The following XRCC6 variants were observed in gnomAD, a reference collection of about 807,000 sequenced individuals.
XRCC6 encodes the protein X-ray repair cross complementing 6.
Under a neutral mutation model 65.7 loss-of-function variants are expected in XRCC6, and 5 were observed. The observed-to-expected ratio is 0.08, with a 90% CI of 0.04 to 0.16. The LOEUF (loss-of-function observed/expected upper bound fraction) is 0.16, where lower values mean the gene tolerates loss of function less well. Ranked by LOEUF, XRCC6 falls within the 10% of genes least tolerant of loss-of-function variation. The probability of loss-of-function intolerance (pLI) is 1.00; values close to 1 mark genes in which losing one functional copy is unlikely to be tolerated. For missense variants in XRCC6, 447 were observed against 738.1 expected (o/e 0.61, Z 4.57); for synonymous variants, 270 against 270.6 (o/e 1.00, Z 0.02).
At position 41,650,646 on chromosome 22, in the gene XRCC6, C is replaced by A; in HGVS notation, c.961-77C>A. The stretch of plus-strand genomic sequence containing the variant: ...TTAGAAGAGAGCTGATTTTAACTTG[C>A]TAGTGTCATCATCTTCGAGTTATTT... On this transcript the variant is annotated intron_variant, in intron 7 of 12. Coordinates refer to ENST00000360079, the MANE Select transcript of XRCC6 (RefSeq NM_001469.5). 6 of 1,485,302 alleles carry A rather than the reference C, an allele frequency of 4.0e-6. No individual in the cohort carries two copies. In the Admixed American group the frequency reaches 8.9e-5, roughly 22 times the overall value. 92.0% of individuals were successfully genotyped at this position (1,485,302 alleles called of 1,614,324 possible).
chr22:41,638,247 G>A, intron 6 of XRCC6, among the ~76,000 whole-genome samples: 1 of 141,998 alleles, frequency 7.0e-6, no homozygotes, highest in South Asian at 2.1e-4. Flanking sequence ...GTACAGTCAT[G>A]TGTTAATTAA....
At chr22:41,628,267 C>T (rs1292174842) in intron 3 of XRCC6, 37 bp downstream of exon 3, 1 of 1,560,698 alleles carries the variant, frequency 6.4e-7, no homozygotes, top group African/African-American at 1.4e-5. Flanking sequence ...AATTTAAAAA[C>T]AGTATTGGCT....
chr22:41,647,472 T>C (rs895088037), intron 7 of XRCC6, among the ~76,000 whole-genome samples: 39 of 151,312 alleles, frequency 2.6e-4, no homozygotes, highest in African/African-American at 9.2e-4. Flanking sequence ...TCCCAGCTAC[T>C]CAGGAGGCTG....
chr22:41,644,610 A>G (rs543350709), intron 6 of XRCC6, among the ~76,000 whole-genome samples: 1 of 152,012 alleles, frequency 6.6e-6, no homozygotes, highest in South Asian at 2.1e-4. Context: ...CTCAGCCTCC[A>G]TAGTAACTGG....
chr22:41,632,285 A>G (rs1281564411), intron 3 of XRCC6, among the ~76,000 whole-genome samples: 1 of 152,176 alleles, frequency 6.6e-6, no homozygotes, highest in African/African-American at 2.4e-5. Context: ...GGAACTGAAC[A>G]GAAACTTTTC....
At chr22:41,662,030 C>T (rs560789808) in intron 12 of XRCC6, among the ~76,000 whole-genome samples, 1 of 152,000 alleles carries the variant, frequency 6.6e-6, no homozygotes, top group East Asian at 1.9e-4. Context: ...AACAATTGAA[C>T]TCATGGAGAG....
chr22:41,638,964 C>T (rs1161418024), intron 6 of XRCC6, among the ~76,000 whole-genome samples: 1 of 152,068 alleles, frequency 6.6e-6, no homozygotes, highest in Non-Finnish European at 1.5e-5. Flanking sequence ...GTTTACACAG[C>T]ATCACTACAG....
At chr22:41,659,804 C>T (rs1479773912) in intron 11 of XRCC6, among the ~76,000 whole-genome samples, 6 of 152,136 alleles carry the variant, frequency 3.9e-5, no homozygotes, top group Admixed American at 3.9e-4. Flanking sequence ...CCTGCCTCAG[C>T]CTTCCGAGTA....
At chr22:41,639,665 C>CTTTTTTTT (rs1236347721) in intron 6 of XRCC6, among the ~76,000 whole-genome samples, 3 of 26,444 alleles carry the variant, frequency 1.1e-4, no homozygotes, top group East Asian at 3.2e-3. Context: ...TAGATTCTCT[C>CTTTTTTTT]TCTTTTTTTT....
chr22:41,663,481 C>T (rs1174859215), intron 12 of XRCC6, 141 bp from the exon 13 acceptor site: 3 of 895,392 alleles, frequency 3.4e-6, no homozygotes, highest in Non-Finnish European at 5.2e-6. Context: ...CGAGATAAGT[C>T]TTCCCCATGG....
intron 11 of XRCC6, among the ~76,000 whole-genome samples, chr22:41,659,260 G>GT (rs2068077565): frequency 6.6e-6 from 1 of 152,138 alleles, no homozygotes; most frequent in Non-Finnish European, 1.5e-5. Flanking sequence ...AAAGAGAAAC[G>GT]TTTTGAGCTA....
chr22:41,645,652 T>C (rs2067924003), intron 6 of XRCC6, among the ~76,000 whole-genome samples: 1 of 151,858 alleles, frequency 6.6e-6, no homozygotes, highest in African/African-American at 2.4e-5. Flanking sequence ...TTTTTTGTTT[T>C]GTTTTGTTAA....
At chr22:41,644,726 C>A (rs1382609066) in intron 6 of XRCC6, among the ~76,000 whole-genome samples, 1 of 151,856 alleles carries the variant, frequency 6.6e-6, no homozygotes, top group Non-Finnish European at 1.5e-5. Context: ...TGAGCTCAGG[C>A]AATCCGCCCG....
chr22:41,635,240 A>G (rs950545923), intron 3 of XRCC6, among the ~76,000 whole-genome samples: 5 of 152,220 alleles, frequency 3.3e-5, no homozygotes, highest in Non-Finnish European at 4.4e-5. Context: ...CATGGCTTCA[A>G]TGTAGTACTT....
At chr22:41,633,550 G>A (rs963153877) in intron 3 of XRCC6, among the ~76,000 whole-genome samples, 1 of 151,990 alleles carries the variant, frequency 6.6e-6, no homozygotes, top group Non-Finnish European at 1.5e-5. Flanking sequence ...CTAATTTTTT[G>A]TTCTTGTTTT....
chr22:41,632,283 A>G (rs2067763883), intron 3 of XRCC6, among the ~76,000 whole-genome samples: 1 of 152,224 alleles, frequency 6.6e-6, no homozygotes, highest in Non-Finnish European at 1.5e-5. Flanking sequence ...TTGGAACTGA[A>G]CAGAAACTTT....
chr22:41,651,311 G>C (rs1187133562), intron 8 of XRCC6, among the ~76,000 whole-genome samples: 1 of 134,356 alleles, frequency 7.4e-6, no homozygotes, highest in African/African-American at 2.7e-5. Context: ...AAAACCAAAA[G>C]TGTTTCAAGC....
chr22:41,653,044 G>T (rs2068015954), intron 8 of XRCC6, among the ~76,000 whole-genome samples: 1 of 152,034 alleles, frequency 6.6e-6, no homozygotes, highest in African/African-American at 2.4e-5. Flanking sequence ...TCCTTTCTGT[G>T]TCTCTGCTGT....
Position 41,621,309 on chromosome 22 carries a change from G to C in XRCC6, c.-52G>C, listed in dbSNP as rs1229756303. 1 of 189,666 alleles carries C rather than the reference G, an allele frequency of 5.3e-6. No homozygotes were observed. Among genetic ancestry groups the C allele is most frequent in the Non-Finnish European group, 1.1e-5 (1 of 91,774 alleles). 11.7% of individuals were successfully genotyped at this position (189,666 alleles called of 1,614,324 possible). Reference sequence around the variant, plus strand: ...AGGGCCCGCGCATGCGTGGATTGTCGTCTTCTGTCCAAGTTGGTCGCTTCC... The same window carrying C: ...AGGGCCCGCGCATGCGTGGATTGTCCTCTTCTGTCCAAGTTGGTCGCTTCC... On this transcript the variant is annotated 5_prime_UTR_variant, in exon 1 of 13. Transcript: ENST00000360079.
Sources: allele counts gnomAD v4.1 joint callset (sites outside exome capture counted in the v4.1 genomes callset), GRCh38; gene constraint gnomAD v4.1.1; transcripts MANE v1.5; gene names NCBI Gene and HGNC (gene_info 2026-07-23, HGNC 2026-07-21).